NRXN1: variants seen among roughly 807,000 people sequenced by gnomAD.
NRXN1 encodes the protein neurexin 1.
Under a neutral mutation model 150.9 loss-of-function variants are expected in NRXN1, and 39 were observed. The observed-to-expected ratio is 0.26, with a 90% CI of 0.20 to 0.34. The LOEUF is 0.34. Ranked by LOEUF, NRXN1 falls within the 10% of genes least tolerant of loss-of-function variation. NRXN1 has a pLI of 1.00. For missense variants in NRXN1, 1,815 were observed against 1,949.9 expected, an observed-to-expected ratio of 0.93 and a Z score of 1.30; for synonymous variants, 924 against 757.0, an observed-to-expected ratio of 1.22 and a Z score of -3.62.
chr2:50,882,492 C>T (rs73930218), intron 5 of NRXN1, among the ~76,000 whole-genome samples: 1,663 of 151,898 alleles, frequency 0.011, 40 homozygotes, highest in African/African-American at 0.038. Flanking sequence ...TACGGCTGAG[C>T]TAGAGTTTAA....
intron 2 of NRXN1, among the ~76,000 whole-genome samples, chr2:51,002,303 A>G (rs1164937467): frequency 6.6e-6 from 1 of 151,884 alleles, no homozygotes; most frequent in Non-Finnish European, 1.5e-5. Flanking sequence ...GACACAATAC[A>G]CTAAAAACTA....
chr2:50,386,693 G>C (rs2081351269), intron 17 of NRXN1, among the ~76,000 whole-genome samples: 1 of 152,066 alleles, frequency 6.6e-6, no homozygotes, highest in Admixed American at 6.6e-5. Context: ...AATGGAAATG[G>C]GAATGACAGT....
chr2:50,224,049 A>C (rs963115417), intron 18 of NRXN1, among the ~76,000 whole-genome samples: 3 of 152,026 alleles, frequency 2.0e-5, no homozygotes, highest in Non-Finnish European at 4.4e-5. Context: ...GTGCTATGTC[A>C]TCACACTTTG....
chr2:51,024,031 T>C (rs1293477376), intron 2 of NRXN1, among the ~76,000 whole-genome samples: 1 of 152,214 alleles, frequency 6.6e-6, no homozygotes, highest in Non-Finnish European at 1.5e-5. Context: ...GATCTGGAAA[T>C]CATGAGAATT....
At chr2:50,201,887 T>C (rs2062193201) in intron 18 of NRXN1, among the ~76,000 whole-genome samples, 1 of 152,158 alleles carries the variant, frequency 6.6e-6, no homozygotes. Context: ...CTTAGTCCAT[T>C]GGTTTTGTAT....
chr2:50,222,115 C>T lies in NRXN1; in HGVS notation c.3546+14674G>A, dbSNP rs2063943164. On this transcript the variant is annotated intron_variant, in intron 18 of 22. Coordinates refer to ENST00000401669, the MANE Select transcript of NRXN1 (RefSeq NM_001330078.2). ...TAGACTCTGAAATGAGTACTGCTAC[C>T]CAGGAGGATATTAACCTCTTGCCTG... 2.6e-5 allele frequency among the ~76,000 whole-genome samples: 4 copies of T among 152,010 alleles called. No homozygotes were observed. The South Asian group carries it at 8.3e-4, about 32-fold the overall frequency.
At chr2:50,838,813 C>T (rs929135198) in intron 5 of NRXN1, among the ~76,000 whole-genome samples, 3 of 152,092 alleles carry the variant, frequency 2.0e-5, no homozygotes, top group Non-Finnish European at 4.4e-5. Context: ...ACCATGATTT[C>T]AGACGTCTAT....
chr2:50,679,508 C>A (rs1246087224), intron 5 of NRXN1, among the ~76,000 whole-genome samples: 2 of 152,104 alleles, frequency 1.3e-5, no homozygotes, highest in African/African-American at 2.4e-5. Flanking sequence ...TACAAACTTT[C>A]CAAACACACT....
intron 5 of NRXN1, among the ~76,000 whole-genome samples, chr2:50,695,928 T>C (rs1369245993): frequency 1.3e-5 from 2 of 150,018 alleles, no homozygotes; most frequent in Non-Finnish European, 3.0e-5. Context: ...CTGCAACCTC[T>C]GCCCTCCAGC....
At chr2:50,851,928 C>T (rs1674576474) in intron 5 of NRXN1, among the ~76,000 whole-genome samples, 1 of 152,142 alleles carries the variant, frequency 6.6e-6, no homozygotes, top group African/African-American at 2.4e-5. Flanking sequence ...GTAAGATACT[C>T]TTAATAGTGC....
chr2:50,281,308 C>T (rs1177253817), intron 17 of NRXN1, among the ~76,000 whole-genome samples: 2 of 135,908 alleles, frequency 1.5e-5, no homozygotes, highest in African/African-American at 5.4e-5. Flanking sequence ...CAGAGCAAGA[C>T]TCCGTCTCAA....
At chr2:50,886,316 AT>A in intron 5 of NRXN1, among the ~76,000 whole-genome samples, 1 of 151,590 alleles carries the variant, frequency 6.6e-6, no homozygotes, top group African/African-American at 2.4e-5. Flanking sequence ...ATATTGTCAA[AT>A]TTTTATCTAG....
chr2:50,785,230 CT>C (rs1199292494), intron 5 of NRXN1, among the ~76,000 whole-genome samples: 4 of 148,960 alleles, frequency 2.7e-5, no homozygotes, highest in Non-Finnish European at 5.9e-5. Flanking sequence ...CTCTAGAACT[CT>C]GAGAAAATAC....
At chr2:49,940,862 A>C (rs1331546841) in intron 22 of NRXN1, among the ~76,000 whole-genome samples, 2 of 152,222 alleles carry the variant, frequency 1.3e-5, no homozygotes, top group East Asian at 3.9e-4. Context: ...ACAGGTTTAC[A>C]GTGAATGATC....
chr2:50,941,842 A>C (rs1468082695), intron 2 of NRXN1, among the ~76,000 whole-genome samples: 1 of 152,234 alleles, frequency 6.6e-6, no homozygotes, highest in Non-Finnish European at 1.5e-5. Flanking sequence ...GGAGAAATTA[A>C]AGCTAGCTGC....
chr2:50,294,633 T>G (rs761607699), intron 17 of NRXN1, among the ~76,000 whole-genome samples: 3 of 151,808 alleles, frequency 2.0e-5, no homozygotes, highest in Non-Finnish European at 4.4e-5. Context: ...GGAGAGGAGG[T>G]AGAGTTTAGG....
intron 2 of NRXN1, among the ~76,000 whole-genome samples, chr2:50,935,339 G>C: frequency 6.6e-6 from 1 of 152,100 alleles, no homozygotes; most frequent in East Asian, 1.9e-4. Context: ...CACACCTCTA[G>C]TTAATTCTAG....
chr2:50,255,974 T>C (rs1164673605), intron 17 of NRXN1, among the ~76,000 whole-genome samples: 1 of 152,182 alleles, frequency 6.6e-6, no homozygotes, highest in African/African-American at 2.4e-5. Context: ...CATATGACTT[T>C]TGGGTAGATG....
chr2:50,351,082 G>C (rs374764927), intron 17 of NRXN1, among the ~76,000 whole-genome samples: 2 of 152,330 alleles, frequency 1.3e-5, no homozygotes, highest in South Asian at 4.1e-4. Flanking sequence ...AATAAAGCTT[G>C]TGTGTACCCA....
Sources: gnomAD v4.1 joint callset for allele counts (sites outside exome capture counted in the v4.1 genomes callset) on GRCh38, gnomAD v4.1.1 for gene constraint, MANE v1.5 for transcripts, NCBI Gene and HGNC (gene_info 2026-07-23, HGNC 2026-07-21) for gene names.